ATP11B: variants seen among roughly 807,000 people sequenced by gnomAD.
ATP11B encodes the protein ATPase phospholipid transporting 11B (putative).
A neutral mutation model predicts 157.8 loss-of-function variants in ATP11B; 81 were observed. The observed-to-expected ratio is 0.51, with a 90% CI of 0.43 to 0.62. The LOEUF (loss-of-function observed/expected upper bound fraction) is 0.62, where lower values mean the gene tolerates loss of function less well. ATP11B is among the 20% of genes least tolerant of loss of function. The pLI is 0.00. For missense variants in ATP11B, 1,165 were observed against 1,402.2 expected (o/e 0.83, Z 2.70); for synonymous variants, 451 against 469.4 (o/e 0.96, Z 0.51).
intron 1 of ATP11B, among the ~76,000 whole-genome samples, chr3:182,815,408 G>C (rs959455649): frequency 2.6e-5 from 4 of 152,060 alleles, no homozygotes; most frequent in African/African-American, 4.8e-5. Context: ...TTTATGTCTA[G>C]GAAATAGTAA....
intron 1 of ATP11B, among the ~76,000 whole-genome samples, chr3:182,812,352 G>A (rs1716721782): frequency 6.6e-6 from 1 of 152,096 alleles, no homozygotes; most frequent in African/African-American, 2.4e-5. Context: ...AGATATGAGT[G>A]GAAATGTATT....
At chr3:182,903,765 A>G (rs984268248) in intron 28 of ATP11B, among the ~76,000 whole-genome samples, 3 of 152,216 alleles carry the variant, frequency 2.0e-5, no homozygotes, top group Admixed American at 2.0e-4. Flanking sequence ...GTGGCTTTCT[A>G]TCACATTTTT....
In ATP11B at chr3:182,881,467, G is replaced by A. The variant is rs557766655; in HGVS notation, c.2509+486G>A. The stretch of plus-strand genomic sequence containing the variant: ...TGAGGCAGGAGAATTGCTTGAACCC[G>A]GGAGACAGAGGTTGCAGTGAGCCAC... On this transcript the variant is annotated intron_variant, in intron 21 of 29. Transcript: ENST00000323116. Among the ~76,000 whole-genome samples the A allele has an allele frequency of 7.5e-4, 113 of 151,656 alleles. 1 individual carries two copies. Among genetic ancestry groups the A allele is most frequent in the African/African-American group, 2.6e-3 (106 of 41,236 alleles).
At chr3:182,841,862 C>G (rs1690164177) in intron 7 of ATP11B, among the ~76,000 whole-genome samples, 1 of 151,250 alleles carries the variant, frequency 6.6e-6, no homozygotes, top group South Asian at 2.1e-4. Context: ...ACGTGTAGTC[C>G]CAGCTACTCG....
intron 7 of ATP11B, among the ~76,000 whole-genome samples, 169 bp downstream of exon 7, chr3:182,837,343 G>A (rs1318672288): frequency 1.3e-5 from 2 of 152,088 alleles, no homozygotes; most frequent in Admixed American, 1.3e-4. Flanking sequence ...GAAATTGCTA[G>A]AATTCTAAGC....
chr3:182,898,566 T>C (rs1560123333), intron 27 of ATP11B, 41 bp from the exon 28 acceptor site: 1 of 1,542,402 alleles, frequency 6.5e-7, no homozygotes, highest in Admixed American at 2.0e-5. Flanking sequence ...TTTAAGTCTT[T>C]CAGTTTCCAC....
intron 28 of ATP11B, chr3:182,902,633 A>C: frequency 2.0e-6 from 2 of 991,426 alleles, no homozygotes; most frequent in Non-Finnish European, 2.7e-6. Flanking sequence ...ACAATATCAA[A>C]AGATGGGCAG....
At chr3:182,916,413 CATTT>C (rs1409742503) in intron 29 of ATP11B, 4 of 985,208 alleles carry the variant, frequency 4.1e-6, no homozygotes, top group Non-Finnish European at 4.8e-6. Flanking sequence ...TTGGTGATTA[CATTT>C]GTACCATCCA....
chr3:182,887,747 G>GT (rs1722895934), intron 24 of ATP11B, 34 bp downstream of exon 24: 9 of 1,578,410 alleles, frequency 5.7e-6, no homozygotes, highest in South Asian at 4.8e-5. Context: ...GGCCTTATCA[G>GT]TTTTTTTAAG....
intron 28 of ATP11B, among the ~76,000 whole-genome samples, chr3:182,903,893 C>T (rs1171299753): frequency 6.6e-6 from 1 of 152,176 alleles, no homozygotes; most frequent in East Asian, 1.9e-4. Context: ...TTTATGAAAT[C>T]ATATTTTCAT....
At chr3:182,916,611 G>A in intron 29 of ATP11B, 3 of 984,864 alleles carry the variant, frequency 3.0e-6, no homozygotes, top group Non-Finnish European at 3.6e-6. Context: ...TTAAGCTACT[G>A]TATCCTCATC....
intron 24 of ATP11B, among the ~76,000 whole-genome samples, chr3:182,888,312 A>G (rs1312695031): frequency 6.6e-6 from 1 of 152,162 alleles, no homozygotes; most frequent in Non-Finnish European, 1.5e-5. Context: ...GTTATCTAGG[A>G]CAGGGCTTGA....
chr3:182,914,100 A>G (rs923339854), intron 29 of ATP11B, 106 bp downstream of exon 29: 2 of 1,541,846 alleles, frequency 1.3e-6, no homozygotes, highest in Non-Finnish European at 8.7e-7. Context: ...GGTTTTACCA[A>G]CTGAAGCAGG....
At chr3:182,851,040 C>T (rs1008477438) in intron 10 of ATP11B, among the ~76,000 whole-genome samples, 4 of 152,182 alleles carry the variant, frequency 2.6e-5, no homozygotes, top group African/African-American at 7.2e-5. Context: ...CACCCGTAAT[C>T]CCAGCACTTT....
At chr3:182,891,865 C>G (rs2108572447) in intron 25 of ATP11B, among the ~76,000 whole-genome samples, 1 of 152,302 alleles carries the variant, frequency 6.6e-6, no homozygotes, top group South Asian at 2.1e-4. Context: ...TAACCTCTCT[C>G]AGACTCAGTT....
At chr3:182,889,625 T>G (rs1208061034) in intron 25 of ATP11B, 77 bp downstream of exon 25, 10 of 1,266,026 alleles carry the variant, frequency 7.9e-6, no homozygotes, top group Non-Finnish European at 1.1e-5. Context: ...TAAAGTAAAA[T>G]TTAATTTAAA....
At position 182,865,685 on chromosome 3, in the gene ATP11B, A is replaced by T. The variant is rs1721181093; in HGVS notation, c.1430A>T (p.Asn477Ile). 1 of 1,611,306 alleles carries T rather than the reference A, an allele frequency of 6.2e-7. No individual in the cohort carries two copies. Among genetic ancestry groups the T allele is most frequent in the Non-Finnish European group, 8.5e-7 (1 of 1,178,456 alleles). The change falls in exon 13 of 30, where the codon AAT becomes ATT. Residue 477 changes from asparagine to isoleucine, a missense_variant. Asn to Ile is a moderately radical substitution (Grantham distance 149). Coordinates refer to ENST00000323116, the MANE Select transcript of ATP11B (RefSeq NM_014616.3). Reference protein sequence around the residue: ...TSSSFRTSPENETELIKEHDL... With the variant: ...TSSSFRTSPEIETELIKEHDL... ...TCCTCTTTCAGAACCAGTCCTGAAA[A>T]TGAAACTGAACTAGTAAGTAATTTT...
At chr3:182,810,178 A>G (rs1228927692) in intron 1 of ATP11B, among the ~76,000 whole-genome samples, 1 of 152,132 alleles carries the variant, frequency 6.6e-6, no homozygotes, top group Non-Finnish European at 1.5e-5. Flanking sequence ...CTAAAAATAC[A>G]AAAGATAGCC....
intron 14 of ATP11B, among the ~76,000 whole-genome samples, 182 bp downstream of exon 14, chr3:182,866,625 TATC>T (rs1243309820): frequency 6.6e-6 from 1 of 151,706 alleles, no homozygotes; most frequent in Non-Finnish European, 1.5e-5. Flanking sequence ...GTCATTTTAT[TATC>T]AAGCTTGCAT....
Sources: allele counts gnomAD v4.1 joint callset (sites outside exome capture counted in the v4.1 genomes callset), GRCh38; gene constraint gnomAD v4.1.1; transcripts MANE v1.5; gene names NCBI Gene and HGNC (gene_info 2026-07-23, HGNC 2026-07-21).